The following RBMS3 variants were observed in gnomAD, a reference collection of about 807,000 sequenced individuals.
RBMS3 encodes RNA binding motif single stranded interacting protein 3, also known as RNA-binding motif, single-stranded-interacting protein 3.
In RBMS3, 27 loss-of-function variants were observed where a neutral mutation model predicts 66.8. The ratio of observed to expected loss-of-function variants is 0.40; its 90% CI spans 0.30 to 0.56. RBMS3 has a LOEUF of 0.56. RBMS3 is among the 20% of genes least tolerant of loss of function. RBMS3 has a pLI of 0.40. For missense variants in RBMS3, 513 were observed against 549.5 expected (o/e 0.93, Z 0.66); for synonymous variants, 188 against 183.0 (o/e 1.03, Z -0.22).
intron 1 of RBMS3, among the ~76,000 whole-genome samples, chr3:29,282,017 A>G (rs1417130418): frequency 6.6e-6 from 1 of 152,204 alleles, no homozygotes; most frequent in East Asian, 1.9e-4. Context: ...ATTTGGCAGC[A>G]TAAATGGTCC....
chr3:29,296,166 G>A (rs746212280), intron 1 of RBMS3, among the ~76,000 whole-genome samples: 7 of 151,724 alleles, frequency 4.6e-5, no homozygotes, highest in Non-Finnish European at 1.0e-4. Flanking sequence ...TTACTTGGGG[G>A]CTGCTCTTTT....
chr3:29,785,603 A>G (rs1226046343), intron 6 of RBMS3, among the ~76,000 whole-genome samples: 2 of 152,230 alleles, frequency 1.3e-5, no homozygotes, highest in East Asian at 3.9e-4. Context: ...TCACATGATC[A>G]TCTCAATAGA....
chr3:29,377,662 T>G (rs2038547448), intron 1 of RBMS3, among the ~76,000 whole-genome samples: 1 of 152,176 alleles, frequency 6.6e-6, no homozygotes, highest in African/African-American at 2.4e-5. Flanking sequence ...TGGCCTGACT[T>G]TGGACCATGT....
intron 1 of RBMS3, among the ~76,000 whole-genome samples, chr3:29,314,297 C>A (rs943291824): frequency 1.3e-5 from 2 of 151,676 alleles, no homozygotes. Context: ...TTTCATTAAT[C>A]TGGCAATAAT....
At chr3:29,483,309 C>CAAAAAAAAA (rs72225547) in intron 2 of RBMS3, among the ~76,000 whole-genome samples, 3 of 75,578 alleles carry the variant, frequency 4.0e-5, no homozygotes, top group Non-Finnish European at 6.4e-5. Flanking sequence ...TTCGTCTTAA[C>CAAAAAAAAA]AAAAAAAAAA....
At chr3:30,003,474 G>A (rs74698113) in intron 14 of RBMS3, among the ~76,000 whole-genome samples, 7,257 of 151,978 alleles carry the variant, frequency 0.048, 394 homozygotes, top group East Asian at 0.16. Context: ...GTAAATGTAC[G>A]TGATGAATAC....
chr3:29,316,913 T>C (rs1194312397), intron 1 of RBMS3, among the ~76,000 whole-genome samples: 1 of 151,732 alleles, frequency 6.6e-6, no homozygotes, highest in Non-Finnish European at 1.5e-5. Context: ...TTAGTGATTC[T>C]TAATATAAAC....
chr3:29,693,741 C>T (rs902737609), intron 4 of RBMS3, among the ~76,000 whole-genome samples: 12 of 151,702 alleles, frequency 7.9e-5, no homozygotes, highest in Non-Finnish European at 7.4e-5. Flanking sequence ...AGGTTGAGAC[C>T]GAAGCTGTAC....
At chr3:29,837,345 T>C (rs7340601) in intron 6 of RBMS3, among the ~76,000 whole-genome samples, 1 of 151,992 alleles carries the variant, frequency 6.6e-6, no homozygotes, top group Non-Finnish European at 1.5e-5. Context: ...ATTATTTTCC[T>C]TGTGTCCTGG....
chr3:29,552,768 C>T (rs750327462), intron 3 of RBMS3, among the ~76,000 whole-genome samples: 17 of 152,228 alleles, frequency 1.1e-4, no homozygotes, highest in South Asian at 2.1e-4. Flanking sequence ...AAATGGTGAA[C>T]ACAAAATATA....
chr3:29,986,500 T>C (rs1028566553), intron 12 of RBMS3, among the ~76,000 whole-genome samples: 1 of 152,244 alleles, frequency 6.6e-6, no homozygotes, highest in Non-Finnish European at 1.5e-5. Flanking sequence ...AAAGCTTTAC[T>C]CTCAGTATAG....
At chr3:29,411,325 G>C (rs530071807) in intron 1 of RBMS3, among the ~76,000 whole-genome samples, 135 of 152,290 alleles carry the variant, frequency 8.9e-4, no homozygotes, top group Non-Finnish European at 1.6e-3. Context: ...ACAATAACTT[G>C]TAATCTGGAA....
At chr3:29,293,796 A>T (rs912370998) in intron 1 of RBMS3, among the ~76,000 whole-genome samples, 6 of 149,674 alleles carry the variant, frequency 4.0e-5, no homozygotes, top group Non-Finnish European at 8.9e-5. Flanking sequence ...GTTTTCTGCT[A>T]TGGATTTGCC....
intron 1 of RBMS3, among the ~76,000 whole-genome samples, chr3:29,392,756 A>T (rs1048612054): frequency 6.6e-6 from 1 of 152,264 alleles, no homozygotes; most frequent in East Asian, 1.9e-4. Flanking sequence ...AATTGCCTTA[A>T]TATGATTGGT....
intron 1 of RBMS3, among the ~76,000 whole-genome samples, chr3:29,385,496 A>C (rs1391279534): frequency 6.6e-6 from 1 of 152,126 alleles, no homozygotes; most frequent in Non-Finnish European, 1.5e-5. Context: ...AGCCACCTCA[A>C]ACTGGGGGAG....
At chr3:29,381,922 T>G (rs2038779801) in intron 1 of RBMS3, among the ~76,000 whole-genome samples, 1 of 152,202 alleles carries the variant, frequency 6.6e-6, no homozygotes, top group Admixed American at 6.5e-5. Context: ...AGGAACAGCT[T>G]CTATCTTTCT....
chr3:29,925,784 C>T (rs1253989354), intron 10 of RBMS3, among the ~76,000 whole-genome samples: 2 of 152,140 alleles, frequency 1.3e-5, no homozygotes, highest in South Asian at 2.1e-4. Flanking sequence ...CTGTACTAAG[C>T]TCCCTGATGA....
intron 1 of RBMS3, among the ~76,000 whole-genome samples, chr3:29,299,421 AC>A (rs2033516973): frequency 6.6e-6 from 1 of 151,824 alleles, no homozygotes; most frequent in Non-Finnish European, 1.5e-5. Context: ...TTAAGGCATA[AC>A]CATGAATGAA....
chr3:29,609,758 T>C (rs1374417500), intron 4 of RBMS3, among the ~76,000 whole-genome samples: 1 of 152,004 alleles, frequency 6.6e-6, no homozygotes, highest in Admixed American at 6.6e-5. Context: ...TCTTCCCTTT[T>C]AAAATTTGTA....
Sources: allele counts gnomAD v4.1 joint callset (sites outside exome capture counted in the v4.1 genomes callset), GRCh38; gene constraint gnomAD v4.1.1; transcripts MANE v1.5; gene names NCBI Gene and HGNC (gene_info 2026-07-23, HGNC 2026-07-21).